PDGFD: variants seen among roughly 807,000 people sequenced by gnomAD.
The protein encoded by PDGFD is platelet derived growth factor D.
A neutral mutation model predicts 44.7 loss-of-function variants in PDGFD; 30 were observed. That is an observed-to-expected ratio of 0.67 (90% CI 0.50 to 0.91). The LOEUF is 0.91. Among genes scored for constraint, PDGFD ranks in the 40% least tolerant of loss-of-function variants. The pLI, the probability that PDGFD is intolerant of heterozygous loss-of-function variation, is 0.00. For synonymous variants in PDGFD, 173 were observed against 168.4 expected (o/e 1.03, Z -0.21); for missense variants, 445 against 457.8 (o/e 0.97, Z 0.25).
At chr11:104,024,821 T>C (rs528194268) in intron 1 of PDGFD, among the ~76,000 whole-genome samples, 32 of 152,344 alleles carry the variant, frequency 2.1e-4, no homozygotes, top group African/African-American at 7.0e-4. Flanking sequence ...AAATGACCTA[T>C]TTGCACATGT....
At chr11:103,921,894 A>C (rs1459465205) in intron 6 of PDGFD, among the ~76,000 whole-genome samples, 1 of 85,578 alleles carries the variant, frequency 1.2e-5, no homozygotes, top group African/African-American at 4.4e-5. Context: ...ATAAAATTAA[A>C]AATTTAGTTT....
At chr11:104,125,840 G>A (rs1861834137) in intron 1 of PDGFD, among the ~76,000 whole-genome samples, 1 of 152,168 alleles carries the variant, frequency 6.6e-6, no homozygotes, top group Non-Finnish European at 1.5e-5. Context: ...AATGGATAAA[G>A]TTGTTCATAC....
At chr11:104,124,138 T>C (rs1861812702) in intron 1 of PDGFD, among the ~76,000 whole-genome samples, 1 of 151,802 alleles carries the variant, frequency 6.6e-6, no homozygotes, top group Non-Finnish European at 1.5e-5. Flanking sequence ...CAAGGATGAG[T>C]ACAAATGAGA....
chr11:104,145,602 A>G (rs1862150640), intron 1 of PDGFD, among the ~76,000 whole-genome samples: 1 of 152,242 alleles, frequency 6.6e-6, no homozygotes, highest in East Asian at 1.9e-4. Context: ...AACCTTAAAG[A>G]TATATGTGAA....
intron 1 of PDGFD, among the ~76,000 whole-genome samples, chr11:104,117,398 A>G (rs1345473715): frequency 6.6e-6 from 1 of 152,008 alleles, no homozygotes; most frequent in African/African-American, 2.4e-5. Context: ...CAGACAAGAG[A>G]AAGAAATAAA....
intron 1 of PDGFD, among the ~76,000 whole-genome samples, chr11:104,002,488 G>A (rs1859635118): frequency 6.6e-6 from 1 of 152,144 alleles, no homozygotes; most frequent in Non-Finnish European, 1.5e-5. Context: ...TGCTATGATT[G>A]TAAGTTTCCC....
chr11:103,972,729 C>CTAA (rs1376225424), intron 3 of PDGFD, among the ~76,000 whole-genome samples: 1 of 152,156 alleles, frequency 6.6e-6, no homozygotes, highest in Non-Finnish European at 1.5e-5. Context: ...ACTGCTAATA[C>CTAA]TAATAAGAAA....
intron 1 of PDGFD, among the ~76,000 whole-genome samples, chr11:104,003,058 G>T (rs1342947889): frequency 6.6e-6 from 1 of 152,156 alleles, no homozygotes; most frequent in Admixed American, 6.5e-5. Flanking sequence ...GATCTGGATA[G>T]AATTTAAAAA....
At chr11:103,957,472 C>G (rs1016091364) in intron 3 of PDGFD, among the ~76,000 whole-genome samples, 11 of 152,146 alleles carry the variant, frequency 7.2e-5, no homozygotes, top group South Asian at 4.1e-4. Flanking sequence ...AACTATACTA[C>G]AAGGCTACAG....
intron 1 of PDGFD, among the ~76,000 whole-genome samples, chr11:104,106,069 G>T (rs1179941961): frequency 6.6e-6 from 1 of 152,070 alleles, no homozygotes; most frequent in Non-Finnish European, 1.5e-5. Context: ...CAGCACCACA[G>T]GGAGTTTAGG....
intron 3 of PDGFD, among the ~76,000 whole-genome samples, chr11:103,968,972 C>T (rs1173783249): frequency 6.6e-6 from 1 of 152,128 alleles, no homozygotes; most frequent in Admixed American, 6.6e-5. Flanking sequence ...GAAAGTTCTC[C>T]CAACTCTTTC....
At chr11:103,989,631 C>T (rs665328) in intron 3 of PDGFD, among the ~76,000 whole-genome samples, 135,106 of 152,200 alleles carry the variant, frequency 0.89, 60,130 homozygotes, top group East Asian at 0.99. Context: ...TGGCTGGGTC[C>T]ATAAGCAAAT....
intron 1 of PDGFD, among the ~76,000 whole-genome samples, chr11:104,149,846 A>AT (rs374747702): frequency 1.4e-4 from 21 of 150,730 alleles, no homozygotes; most frequent in South Asian, 1.0e-3. Flanking sequence ...CCGGAAATTG[A>AT]TTTTTTTTTT....
chr11:103,989,590 C>T (rs1278415665), intron 3 of PDGFD, among the ~76,000 whole-genome samples: 1 of 152,062 alleles, frequency 6.6e-6, no homozygotes, highest in African/African-American at 2.4e-5. Context: ...TTAATATAAT[C>T]CTGAAGCAAA....
chr11:103,962,557 A>G (rs764549002), intron 3 of PDGFD, among the ~76,000 whole-genome samples: 1 of 151,944 alleles, frequency 6.6e-6, no homozygotes, highest in Non-Finnish European at 1.5e-5. Flanking sequence ...AAGTTGAGAA[A>G]CTCTTTTGCT....
At chr11:104,065,765 T>C (rs942806002) in intron 1 of PDGFD, among the ~76,000 whole-genome samples, 1 of 152,156 alleles carries the variant, frequency 6.6e-6, no homozygotes, top group Admixed American at 6.6e-5. Context: ...CTTGAATCGT[T>C]TGAAAACACA....
chr11:104,101,567 A>G (rs1460797884), intron 1 of PDGFD, among the ~76,000 whole-genome samples: 4 of 152,156 alleles, frequency 2.6e-5, no homozygotes, highest in African/African-American at 7.2e-5. Context: ...ACAGAATTGG[A>G]AAAAACTACT....
intron 1 of PDGFD, among the ~76,000 whole-genome samples, chr11:104,141,613 C>CT (rs1862086947): frequency 6.6e-6 from 1 of 152,100 alleles, no homozygotes; most frequent in Non-Finnish European, 1.5e-5. Context: ...AAAAATGTGG[C>CT]TGAGTTCAAG....
intron 1 of PDGFD, among the ~76,000 whole-genome samples, chr11:104,075,461 T>C (rs1860943125): frequency 6.6e-6 from 1 of 152,048 alleles, no homozygotes; most frequent in Non-Finnish European, 1.5e-5. Flanking sequence ...GAGACTGTAC[T>C]TTGGTGATGG....
Sources: gnomAD v4.1 joint callset for allele counts (sites outside exome capture counted in the v4.1 genomes callset) on GRCh38, gnomAD v4.1.1 for gene constraint, MANE v1.5 for transcripts, NCBI Gene and HGNC (gene_info 2026-07-23, HGNC 2026-07-21) for gene names.